The following GFRA2 variants were observed in gnomAD, a reference collection of about 807,000 sequenced individuals.
The protein encoded by GFRA2 is GDNF family receptor alpha-2.
In GFRA2, 17 loss-of-function variants were observed where a neutral mutation model predicts 48.3. That is an observed-to-expected ratio of 0.35 (90% CI 0.24 to 0.53). GFRA2 has a LOEUF of 0.53. Ranked by LOEUF, GFRA2 falls within the 20% of genes least tolerant of loss-of-function variation. The probability of loss-of-function intolerance (pLI) is 0.93; values close to 1 mark genes in which losing one functional copy is unlikely to be tolerated. For missense variants in GFRA2, 660 were observed against 637.3 expected (o/e 1.04, Z -0.38); for synonymous variants, 305 against 257.2 (o/e 1.19, Z -1.78).
chr8:21,730,236 C>G lies in GFRA2; in HGVS notation c.794+20352G>C, dbSNP rs181142827. Reference sequence around the variant, plus strand: ...CCTGGGCAACATGGTAAAACCCCATCTCTACTAAAAATACGAAATAAGCCA... The same window carrying G: ...CCTGGGCAACATGGTAAAACCCCATGTCTACTAAAAATACGAAATAAGCCA... On this transcript the variant is annotated intron_variant, in intron 4 of 8. Coordinates refer to ENST00000524240, the MANE Select transcript of GFRA2 (RefSeq NM_001495.5). 3.2e-3 allele frequency among the ~76,000 whole-genome samples: 483 copies of G among 152,146 alleles called. 4 individuals are homozygous for G. Among genetic ancestry groups the G allele is most frequent in the African/African-American group, 0.011 (442 of 41,478 alleles).
intron 4 of GFRA2, among the ~76,000 whole-genome samples, chr8:21,743,622 T>C (rs1478641640): frequency 6.6e-6 from 1 of 152,096 alleles, no homozygotes; most frequent in Non-Finnish European, 1.5e-5. Context: ...GGATGACCAA[T>C]AAAGAGTAGT....
intron 4 of GFRA2, among the ~76,000 whole-genome samples, chr8:21,711,398 G>A (rs1175694804): frequency 6.6e-6 from 1 of 152,204 alleles, no homozygotes; most frequent in Non-Finnish European, 1.5e-5. Context: ...CATCTCGGCT[G>A]AGACCAAGCT....
At chr8:21,728,273 T>C (rs980946353) in intron 4 of GFRA2, among the ~76,000 whole-genome samples, 1 of 134,806 alleles carries the variant, frequency 7.4e-6, no homozygotes, top group Non-Finnish European at 1.6e-5. Flanking sequence ...AGGTTTTTTT[T>C]TTTTTTTTTT....
chr8:21,783,897 CTTG>C (rs1444477155), intron 1 of GFRA2, among the ~76,000 whole-genome samples: 1 of 151,994 alleles, frequency 6.6e-6, no homozygotes, highest in Non-Finnish European at 1.5e-5. Flanking sequence ...TTTCAATGGC[CTTG>C]TTTTTTTCTC....
chr8:21,808,843 AAT>A (rs1463860938), intron 1 of GFRA2, among the ~76,000 whole-genome samples: 1 of 152,258 alleles, frequency 6.6e-6, no homozygotes, highest in East Asian at 1.9e-4. Context: ...TGAGTCTGGA[AAT>A]ATATCTATTA....
intron 3 of GFRA2, among the ~76,000 whole-genome samples, chr8:21,755,492 T>C (rs1305056422): frequency 6.6e-6 from 1 of 152,218 alleles, no homozygotes; most frequent in African/African-American, 2.4e-5. Context: ...AATGAGGACC[T>C]ACTATGTGCC....
At chr8:21,719,569 G>A (rs1803497082) in intron 4 of GFRA2, among the ~76,000 whole-genome samples, 1 of 152,206 alleles carries the variant, frequency 6.6e-6, no homozygotes, top group Admixed American at 6.5e-5. Context: ...AGTCACTATA[G>A]ACTTGCTGTC....
intron 3 of GFRA2, among the ~76,000 whole-genome samples, chr8:21,764,603 C>T (rs1806066698): frequency 6.6e-6 from 1 of 152,244 alleles, no homozygotes; most frequent in Non-Finnish European, 1.5e-5. Flanking sequence ...TAGAAGGACC[C>T]AGCTCCAGCC....
At chr8:21,741,505 T>G (rs1214722821) in intron 4 of GFRA2, among the ~76,000 whole-genome samples, 5 of 152,174 alleles carry the variant, frequency 3.3e-5, no homozygotes, top group African/African-American at 7.2e-5. Flanking sequence ...TTGCTCACCA[T>G]CTGCCTCCTC....
chr8:21,733,050 G>C (rs767494788), intron 4 of GFRA2, among the ~76,000 whole-genome samples: 1 of 152,186 alleles, frequency 6.6e-6, no homozygotes, highest in African/African-American at 2.4e-5. Context: ...CTGTGAGTGC[G>C]ATGAAAAGTT....
At chr8:21,726,990 T>C (rs887945609) in intron 4 of GFRA2, among the ~76,000 whole-genome samples, 1 of 152,126 alleles carries the variant, frequency 6.6e-6, no homozygotes, top group Non-Finnish European at 1.5e-5. Flanking sequence ...GACCTCGTGA[T>C]CCACCTGCCT....
chr8:21,697,743 G>C (rs1270855310), intron 7 of GFRA2, among the ~76,000 whole-genome samples: 1 of 152,176 alleles, frequency 6.6e-6, no homozygotes. Flanking sequence ...GAACCAGTGG[G>C]AGATAACTGA....
intron 4 of GFRA2, among the ~76,000 whole-genome samples, chr8:21,738,654 G>A (rs141977091): frequency 1.1e-3 from 161 of 152,136 alleles, no homozygotes; most frequent in African/African-American, 3.7e-3. Flanking sequence ...AGTTTTACAC[G>A]CATGTGCCCT....
intron 7 of GFRA2, 86 bp downstream of exon 7, chr8:21,702,719 C>T: frequency 7.5e-7 from 1 of 1,338,556 alleles, no homozygotes; most frequent in South Asian, 1.5e-5. Flanking sequence ...AGGGAGGACC[C>T]TCCCTCCCTG....
chr8:21,732,518 A>G (rs1804247448), intron 4 of GFRA2, among the ~76,000 whole-genome samples: 1 of 152,230 alleles, frequency 6.6e-6, no homozygotes, highest in Admixed American at 6.5e-5. Flanking sequence ...ACGGGGGCAC[A>G]TGGGTCCACC....
At chr8:21,805,966 G>A (rs1258643928) in intron 1 of GFRA2, among the ~76,000 whole-genome samples, 1 of 152,208 alleles carries the variant, frequency 6.6e-6, no homozygotes, top group Non-Finnish European at 1.5e-5. Context: ...GTTCCCTCAG[G>A]GAGAAGCCTG....
At position 21,750,999 on chromosome 8, in the gene GFRA2, C is replaced by A; in HGVS notation, c.440-57G>T. 1 of 1,148,370 alleles carries A rather than the reference C, an allele frequency of 8.7e-7. No homozygotes were observed. Among genetic ancestry groups the A allele is most frequent in the South Asian group, 1.4e-5 (1 of 70,830 alleles). 71.1% of individuals were successfully genotyped at this position (1,148,370 alleles called of 1,614,324 possible). A position where few individuals can be genotyped will look rare whatever the true frequency, so the allele number is the denominator to read the frequency against. ...CCACACAAGCATGAGGAGGACACAG[C>A]TGCCCCCTCACTGGAAGATGTCTCC... On this transcript the variant is annotated intron_variant, in intron 3 of 8. Coordinates refer to ENST00000524240, the MANE Select transcript of GFRA2 (RefSeq NM_001495.5). This position sits in a 1 kb window ranked among gnomAD's most constrained non-coding sequence, Gnocchi z 5.7.
At position 21,788,471 on chromosome 8, in the gene GFRA2, A is replaced by G. The variant is rs1402875891; in HGVS notation, c.-312T>C. Reference sequence around the variant, plus strand: ...AGTCCTGGGGTCAGCCCTCCCCTCCAATCGTCCGGGAAGGCGTGAGTCCCC... The same window carrying G: ...AGTCCTGGGGTCAGCCCTCCCCTCCGATCGTCCGGGAAGGCGTGAGTCCCC... On this transcript the variant is annotated 5_prime_UTR_variant, in exon 1 of 9. Transcript: ENST00000524240. 7 of 1,110,180 alleles carry G rather than the reference A, an allele frequency of 6.3e-6. No homozygotes were observed. Among genetic ancestry groups the G allele is most frequent in the Non-Finnish European group, 7.7e-6 (7 of 911,190 alleles). 68.8% of individuals were successfully genotyped at this position (1,110,180 alleles called of 1,614,324 possible).
intron 5 of GFRA2, 137 bp from the exon 6 acceptor site, chr8:21,705,262 C>A (rs552413222): frequency 1.3e-4 from 96 of 765,418 alleles, no homozygotes; most frequent in Admixed American, 7.7e-4. Context: ...ACACATCCAT[C>A]CCAATCGCAC....
Sources: gnomAD v4.1 joint callset for allele counts (sites outside exome capture counted in the v4.1 genomes callset) on GRCh38, gnomAD v4.1.1 for gene constraint, Gnocchi (gnomAD v3.1) non-coding constraint, MANE v1.5 for transcripts, NCBI Gene and HGNC (gene_info 2026-07-23, HGNC 2026-07-21) for gene names.